The following PARP9 variants were observed in gnomAD, a reference collection of about 807,000 sequenced individuals.
The protein encoded by PARP9 is protein mono-ADP-ribosyltransferase PARP9.
In PARP9, 48 loss-of-function variants were observed where a neutral mutation model predicts 68.8. That is an observed-to-expected ratio of 0.70 (90% CI 0.55 to 0.89). PARP9 has a LOEUF of 0.89. Ranked by LOEUF, PARP9 falls within the 40% of genes least tolerant of loss-of-function variation. The probability of loss-of-function intolerance (pLI) is 0.00; values close to 1 mark genes in which losing one functional copy is unlikely to be tolerated. For missense variants in PARP9, 806 were observed against 969.3 expected (o/e 0.83, Z 2.24); for synonymous variants, 309 against 333.8 (o/e 0.93, Z 0.81).
chr3:122,539,507 A>ATTTCTTTCTTTC (rs144389968), intron 8 of PARP9, among the ~76,000 whole-genome samples: 4,413 of 132,970 alleles, frequency 0.033, 138 homozygotes, highest in Admixed American at 0.038. Flanking sequence ...CCAAGATGGC[A>ATTTCTTTCTTTC]TTTCTTTCTT....
At chr3:122,558,957 C>T (rs1364679667) in intron 2 of PARP9, among the ~76,000 whole-genome samples, 1 of 152,174 alleles carries the variant, frequency 6.6e-6, no homozygotes, top group Non-Finnish European at 1.5e-5. Flanking sequence ...TCAAGTGATC[C>T]TCCTGGCTTC....
rs749454132 is a variant in PARP9, at chr3:122,536,212, A to T, written c.2036T>A (p.Val679Glu). ...TCTTTGAAAGCCAACTCTGCATACC[A>T]CATTGCAGAACTGGTATGGGACTTG... ...FQQVPYQFCNVVCRVGFQRMY... is the reference protein window; with the variant it reads ...FQQVPYQFCNEVCRVGFQRMY... Residue 679 changes from valine to glutamate, a missense_variant, in exon 10 of 11, where the codon GTG becomes GAG. This residue lies in a region of PARP9 where 680 missense variants were observed against 858.8 expected (regional missense o/e 0.79). Transcript: ENST00000682323. 6.2e-7 allele frequency: 1 copy of T among 1,614,100 alleles called. No individual in the cohort carries two copies.
At chr3:122,535,219 C>T (rs957835350) in intron 10 of PARP9, 6 of 985,298 alleles carry the variant, frequency 6.1e-6, no homozygotes, top group African/African-American at 3.5e-5. Flanking sequence ...CTGATCATCA[C>T]TTTCCTGATT....
At chr3:122,545,334 T>C (rs1276845626) in intron 7 of PARP9, 98 bp downstream of exon 7, 3 of 1,274,458 alleles carry the variant, frequency 2.4e-6, no homozygotes, top group Admixed American at 3.4e-5. Context: ...CTTTGGCTTA[T>C]TTATTCTTCT....
intron 6 of PARP9, among the ~76,000 whole-genome samples, chr3:122,549,017 A>ATT (rs34551808): frequency 9.4e-4 from 137 of 145,536 alleles, no homozygotes; most frequent in South Asian, 8.5e-3. Context: ...GTATTAACTC[A>ATT]TTTTTTTTTT....
rs756461097 is a variant in PARP9, at chr3:122,536,208, T to A, written c.2040A>T (p.Val680=). The A allele has an allele frequency of 3.7e-6, 6 of 1,614,186 alleles. No homozygotes were observed. Among genetic ancestry groups the A allele is most frequent in the African/African-American group, 1.3e-5 (1 of 75,032 alleles). Residue 680 remains valine (V), a synonymous_variant, in exon 10 of 11, where the codon GTA becomes GTT. Transcript: ENST00000682323. ...QQVPYQFCNV[V]CRVGFQRMYS... Reference sequence around the variant, plus strand: ...ACATTCTTTGAAAGCCAACTCTGCATACCACATTGCAGAACTGGTATGGGA... The same window carrying A: ...ACATTCTTTGAAAGCCAACTCTGCAAACCACATTGCAGAACTGGTATGGGA...
intron 3 of PARP9, 126 bp downstream of exon 3, chr3:122,558,308 C>G: frequency 6.2e-7 from 1 of 1,611,512 alleles, no homozygotes; most frequent in Non-Finnish European, 8.5e-7. Context: ...GGGGTCCCCA[C>G]AAGGGTCTGC....
At chr3:122,554,597 T>C (rs374718061) in intron 4 of PARP9, among the ~76,000 whole-genome samples, 5 of 152,304 alleles carry the variant, frequency 3.3e-5, no homozygotes, top group East Asian at 1.9e-4. Flanking sequence ...AAGATATAAA[T>C]GCTATTATTA....
rs1181469021 is a variant in PARP9 at position 122,564,242 on chromosome 3, C to T, written c.-90+3G>A. The T allele has an allele frequency of 3.0e-6, 2 of 673,208 alleles. No homozygotes were observed. Among genetic ancestry groups the T allele is most frequent in the Admixed American group, 7.4e-5 (2 of 26,886 alleles). The allele number at this position is 673,208 out of a possible 1,614,324, so 41.7% of individuals were successfully genotyped here. ...AGGGCCCAGAGGCACCGGACCTACT[C>T]ACCCGGCAGGCCGCTCTCCTCGGTG... On this transcript the variant is annotated splice_donor_region_variant and intron_variant, in intron 1 of 10. Transcript: ENST00000682323.
At chr3:122,539,625 A>C (rs1369321358) in intron 8 of PARP9, among the ~76,000 whole-genome samples, 1 of 146,510 alleles carries the variant, frequency 6.8e-6, no homozygotes, top group East Asian at 2.0e-4. Context: ...CAATGGTTCG[A>C]TCTTGGTTCA....
chr3:122,536,912 T>G (rs766164985), intron 9 of PARP9, 22 bp downstream of exon 9: 9 of 1,591,540 alleles, frequency 5.7e-6, no homozygotes, highest in Non-Finnish European at 7.7e-6. Flanking sequence ...ATGAGCCAAA[T>G]CTTCCCCTTT....
At chr3:122,538,996 T>C (rs2107596259) in intron 8 of PARP9, among the ~76,000 whole-genome samples, 1 of 152,278 alleles carries the variant, frequency 6.6e-6, no homozygotes, top group East Asian at 1.9e-4. Context: ...AAATTTTGCC[T>C]CTGAATTTTT....
At chr3:122,534,864 A>C in intron 10 of PARP9, 1 of 912,844 alleles carries the variant, frequency 1.1e-6, no homozygotes, top group Non-Finnish European at 1.3e-6. Context: ...TGACAGAGCA[A>C]GACTCCGTCT....
chr3:122,546,234 G>A (rs2078687374), intron 6 of PARP9, among the ~76,000 whole-genome samples: 1 of 152,238 alleles, frequency 6.6e-6, no homozygotes. Context: ...TATACATTCA[G>A]TGGAAACTGT....
At chr3:122,560,898 C>T (rs940988360) in intron 1 of PARP9, among the ~76,000 whole-genome samples, 3 of 152,166 alleles carry the variant, frequency 2.0e-5, no homozygotes, top group Admixed American at 1.3e-4. Context: ...TGGGCTTTTG[C>T]TTTAAATGTT....
At chr3:122,561,310 G>GTTA in intron 1 of PARP9, among the ~76,000 whole-genome samples, 1 of 151,738 alleles carries the variant, frequency 6.6e-6, no homozygotes, top group East Asian at 1.9e-4. Context: ...AATACAAAAA[G>GTTA]TTAGCTGGCC....
chr3:122,546,297 T>C (rs1167967399), intron 6 of PARP9, among the ~76,000 whole-genome samples: 6 of 152,270 alleles, frequency 3.9e-5, no homozygotes, highest in Admixed American at 1.3e-4. Flanking sequence ...TGTAGTAAGA[T>C]GCTCTTTCAT....
chr3:122,557,591 C>T (rs550253070), intron 3 of PARP9, among the ~76,000 whole-genome samples: 2 of 152,204 alleles, frequency 1.3e-5, no homozygotes, highest in Non-Finnish European at 2.9e-5. Flanking sequence ...AGTAGCTGAG[C>T]AAGGCCATTC....
intron 8 of PARP9, among the ~76,000 whole-genome samples, chr3:122,539,507 A>ATCTCTTTCTTTCTTTC (rs1008859984): frequency 2.3e-5 from 3 of 133,162 alleles, no homozygotes; most frequent in Non-Finnish European, 3.1e-5. Flanking sequence ...CCAAGATGGC[A>ATCTCTTTCTTTCTTTC]TTTCTTTCTT....
Sources: gnomAD v4.1 joint callset for allele counts (sites outside exome capture counted in the v4.1 genomes callset) on GRCh38, gnomAD v4.1.1 for gene constraint, gnomAD v4.1.1 regional missense constraint, MANE v1.5 for transcripts, NCBI Gene and HGNC (gene_info 2026-07-23, HGNC 2026-07-21) for gene names.